Variants in IQSEC2 observed in about 807,000 individuals in gnomAD.
The protein encoded by IQSEC2 is IQ motif and SEC7 domain-containing protein 2.
Under a neutral mutation model 74.6 loss-of-function variants are expected in IQSEC2, and 6 were observed. The observed-to-expected ratio is 0.08, with a 90% confidence interval of 0.04 to 0.16. The LOEUF is 0.16. Among genes scored for constraint, IQSEC2 ranks in the 10% least tolerant of loss-of-function variants. The probability of loss-of-function intolerance (pLI) is 1.00; values close to 1 mark genes in which losing one functional copy is unlikely to be tolerated. For synonymous variants in IQSEC2, 494 were observed against 544.5 expected (o/e 0.91, Z 1.29); for missense variants, 734 against 1,306.2 (o/e 0.56, Z 6.75).
chrX:53,254,948 G>A lies in IQSEC2; in HGVS notation c.1000-17C>T. 1.7e-6 allele frequency: 2 copies of A among 1,205,854 alleles called. No individual in the cohort carries two copies. Among genetic ancestry groups the A allele is most frequent in the East Asian group, 5.9e-5 (2 of 33,754 alleles). ...CATTTCCACCTGGCAGAGAAGGGTC[G>A]AGGGGAACAAGGTCAGAAAGTCATG... On this transcript the variant is annotated splice_polypyrimidine_tract_variant and intron_variant, in intron 3 of 14. Coordinates refer to ENST00000642864, the MANE Select transcript of IQSEC2 (RefSeq NM_001111125.3).
At chrX:53,288,529 C>T (rs1334037482) in intron 2 of IQSEC2, among the ~76,000 whole-genome samples, 1 of 111,605 alleles carries the variant, frequency 9.0e-6, no homozygotes, top group African/African-American at 3.3e-5. Flanking sequence ...TGGGCCCCCT[C>T]ATCTTCTGGT....
chrX:53,320,401 AACAC>A lies in IQSEC2; in HGVS notation c.707+12_707+15del. 8.7e-7 allele frequency: 1 copy of A among 1,150,453 alleles called. No homozygotes were observed. Among genetic ancestry groups the A allele is most frequent in the East Asian group, 3.3e-5 (1 of 30,337 alleles). 94.8% of individuals were successfully genotyped at this position (1,150,453 alleles called of 1,213,427 possible). ...TCTAGAGGGAAGAGCCGGGGGTACA[AACAC>A]ACATTCCTTACTTTCTCTGGAGGGT... is the stretch of plus-strand genomic sequence containing the variant. On this transcript the variant is annotated intron_variant, in intron 1 of 14. Coordinates refer to ENST00000642864, the MANE Select transcript of IQSEC2 (RefSeq NM_001111125.3).
chrX:53,279,757 C>T (rs782547601), intron 2 of IQSEC2: 48 of 501,440 alleles, frequency 9.6e-5, no homozygotes, highest in South Asian at 5.0e-4. Context: ...AGAGTGAGTG[C>T]GGGAGGGGAA....
At chrX:53,284,852 T>C (rs1264928128) in intron 2 of IQSEC2, among the ~76,000 whole-genome samples, 2 of 111,599 alleles carry the variant, frequency 1.8e-5, no homozygotes, top group African/African-American at 6.5e-5. Flanking sequence ...AGCCTGCTGT[T>C]GGCCAGGCCG....
rs1304004512 is a variant in IQSEC2 at position 53,321,259 on chromosome X, G to A, written c.-136C>T. 1.4e-5 allele frequency: 5 copies of A among 358,096 alleles called. No homozygotes were observed. The highest frequency in any genetic ancestry group is 4.9e-5 in the East Asian group (1 of 20,616). 29.5% of individuals were successfully genotyped at this position (358,096 alleles called of 1,213,427 possible). On this transcript the variant is annotated 5_prime_UTR_variant, in exon 1 of 15. Transcript: ENST00000642864. ...CGCGCACCGGGCTTGAGGGCCCGGG[G>A]GCCCTAGGGGGCCCGGGAGACAGCG...
At chrX:53,301,781 C>T (rs1263511360) in intron 1 of IQSEC2, among the ~76,000 whole-genome samples, 1 of 112,123 alleles carries the variant, frequency 8.9e-6, no homozygotes, top group Non-Finnish European at 1.9e-5. Context: ...AGCCTTAGGC[C>T]TCAGGGTTTG....
At position 53,320,462 on chromosome X, in the gene IQSEC2, T is replaced by C; in HGVS notation, c.662A>G (p.His221Arg). 8.6e-7 allele frequency: 1 copy of C among 1,165,938 alleles called. No homozygotes were observed. Among genetic ancestry groups the C allele is most frequent in the Non-Finnish European group, 1.1e-6 (1 of 872,305 alleles). Residue 221 changes from histidine to arginine, a missense_variant, in exon 1 of 15, where the codon CAC (histidine) becomes CGC (arginine). Coordinates refer to ENST00000642864, the MANE Select transcript of IQSEC2 (RefSeq NM_001111125.3). ...CGGGCTGGTGCTGGTACTGGTGCTGTGGCCTCCGCCGGCGCCGGGACTGGA... is the reference window on the plus strand; with the variant it reads ...CGGGCTGGTGCTGGTACTGGTGCTGCGGCCTCCGCCGGCGCCGGGACTGGA... Reference protein sequence around the residue: ...RSSSPGAGGGHSTSTSTSPAT... With the variant: ...RSSSPGAGGGRSTSTSTSPAT...
intron 2 of IQSEC2, among the ~76,000 whole-genome samples, chrX:53,261,327 C>T (rs1289495966): frequency 9.0e-6 from 1 of 111,223 alleles, no homozygotes; most frequent in Non-Finnish European, 1.9e-5. Context: ...CACTGACCAG[C>T]TGTGTGAGCC....
At chrX:53,320,351 A>C in intron 1 of IQSEC2, 66 bp downstream of exon 1, 70 of 926,638 alleles carry the variant, frequency 7.6e-5, no homozygotes, top group Non-Finnish European at 1.0e-4. Flanking sequence ...TTCTTACTCT[A>C]TCAGCTGGAC....
chrX:53,243,167 C>T (rs1485753246), intron 9 of IQSEC2, among the ~76,000 whole-genome samples, 165 bp downstream of exon 9: 4 of 112,002 alleles, frequency 3.6e-5, no homozygotes, highest in African/African-American at 1.3e-4. Flanking sequence ...TTGGAATGTG[C>T]TCGATGCATT....
intron 8 of IQSEC2, among the ~76,000 whole-genome samples, chrX:53,246,116 C>A (rs1217901323): frequency 9.0e-6 from 1 of 111,486 alleles, no homozygotes; most frequent in Non-Finnish European, 1.9e-5. Flanking sequence ...CCTGCCTCAG[C>A]CTCACAAAGT....
intron 2 of IQSEC2, among the ~76,000 whole-genome samples, chrX:53,289,366 C>T (rs1353933635): frequency 9.0e-6 from 1 of 111,019 alleles, no homozygotes; most frequent in East Asian, 2.8e-4. Flanking sequence ...GACAGAAGGT[C>T]GCTGTGACCC....
At position 53,321,067 on chromosome X, in the gene IQSEC2, G is replaced by C. The variant is rs1432737111; in HGVS notation, c.57C>G (p.Ala19=). 8.7e-7 allele frequency: 1 copy of C among 1,153,819 alleles called. No individual in the cohort carries two copies. Among genetic ancestry groups the C allele is most frequent in the Non-Finnish European group, 1.1e-6 (1 of 870,960 alleles). ...GGPGSESPNR[A]VEYLLELNNI... ...TGTTCAGCTCCAGCAGGTACTCCAC[G>C]GCCCGATTTGGGCTCTCGGATCCCG... The change falls in exon 1 of 15, where the codon GCC becomes GCG. Residue 19 remains alanine, a synonymous_variant. Transcript: ENST00000642864.
At position 53,236,564 on chromosome X, in the gene IQSEC2, T is replaced by A; in HGVS notation, c.3278-69A>T. 4.7e-6 allele frequency: 5 copies of A among 1,059,653 alleles called. No homozygotes were observed. The Admixed American group carries it at 1.0e-4, about 22-fold the overall frequency. 87.3% of individuals were successfully genotyped at this position (1,059,653 alleles called of 1,213,427 possible). A position where few individuals can be genotyped will look rare whatever the true frequency, so the allele number is the denominator to read the frequency against. On this transcript the variant is annotated intron_variant, in intron 12 of 14. Transcript: ENST00000642864. ...GAGTGAGAGCCCATCTGACTGACCC[T>A]AGCCCTCCATGGGCCATTCTCCTTC...
chrX:53,255,408 A>G, intron 3 of IQSEC2, among the ~76,000 whole-genome samples: 1 of 111,320 alleles, frequency 9.0e-6, no homozygotes, highest in Non-Finnish European at 1.9e-5. Context: ...ATGTCCTTCC[A>G]GTTTTTTCCT....
intron 1 of IQSEC2, among the ~76,000 whole-genome samples, chrX:53,307,700 T>C (rs1352734009): frequency 9.5e-6 from 1 of 104,944 alleles, no homozygotes; most frequent in African/African-American, 3.5e-5. Context: ...AGGTCAGGGG[T>C]TCGAGACTAA....
intron 13 of IQSEC2, 74 bp downstream of exon 13, chrX:53,236,248 G>A (rs1243711839): frequency 6.6e-6 from 7 of 1,056,378 alleles, no homozygotes; most frequent in African/African-American, 1.9e-5. Context: ...GAAGGCTGGC[G>A]GCCAGTGACA....
chrX:53,254,720 G>A lies in IQSEC2; in HGVS notation c.1211C>T (p.Ala404Val). Residue 404 changes from alanine to valine, a missense_variant, in exon 4 of 15, where the codon GCG (alanine) becomes GTG (valine). Around this residue, in one of 12 missense-constraint regions of IQSEC2, gnomAD observed 204 missense variants for 305.4 expected, o/e 0.67. Transcript: ENST00000642864. The part of the protein sequence containing the change: ...FEEYEKAQNP[A>V]YFEGKPASLD... ...CGAGGCAGGCTTGCCCTCGAAGTAC[G>A]CGGGGTTCTGTGCCTTCTCATACTC... 1.7e-6 allele frequency: 2 copies of A among 1,206,160 alleles called. No individual in the cohort carries two copies. The highest frequency in any genetic ancestry group is 1.7e-5 in the African/African-American group (1 of 57,765).
chrX:53,261,522 ACT>A (rs1556866548), intron 2 of IQSEC2, among the ~76,000 whole-genome samples: 1 of 110,768 alleles, frequency 9.0e-6, no homozygotes, highest in Non-Finnish European at 1.9e-5. Context: ...ACACACATAC[ACT>A]CACACACATG....
Sources: gnomAD v4.1 joint callset for allele counts (sites outside exome capture counted in the v4.1 genomes callset) on GRCh38, gnomAD v4.1.1 for gene constraint, gnomAD v4.1.1 regional missense constraint, MANE v1.5 for transcripts, NCBI Gene and HGNC (gene_info 2026-07-23, HGNC 2026-07-21) for gene names.